Variants in CTNND2 observed in about 807,000 individuals in gnomAD.
The protein encoded by CTNND2 is catenin delta 2.
CTNND2 carries 22 observed loss-of-function variants against 144.4 expected under a neutral mutation model. The ratio of observed to expected loss-of-function variants is 0.15; its 90% CI spans 0.11 to 0.22. The LOEUF is 0.22. Ranked by LOEUF, CTNND2 falls within the 10% of genes least tolerant of loss-of-function variation. CTNND2 has a pLI of 1.00. For synonymous variants in CTNND2, 751 were observed against 695.6 expected, an observed-to-expected ratio of 1.08 and a Z score of -1.25; for missense variants, 1,353 against 1,618.8, an observed-to-expected ratio of 0.84 and a Z score of 2.82.
chr5:11,634,865 T>C (rs1781599232), intron 2 of CTNND2, among the ~76,000 whole-genome samples: 2 of 152,028 alleles, frequency 1.3e-5, no homozygotes, highest in South Asian at 4.2e-4. Flanking sequence ...ATGGTGTGAA[T>C]AAGTCAAGTA....
chr5:11,307,487 G>C (rs1750366544), intron 9 of CTNND2, among the ~76,000 whole-genome samples: 1 of 152,134 alleles, frequency 6.6e-6, no homozygotes, highest in Non-Finnish European at 1.5e-5. Flanking sequence ...CAGGGGCCAA[G>C]GGGCTGAAGA....
intron 9 of CTNND2, among the ~76,000 whole-genome samples, chr5:11,252,277 C>G (rs1743742352): frequency 6.6e-6 from 1 of 152,102 alleles, no homozygotes; most frequent in African/African-American, 2.4e-5. Flanking sequence ...CCAGAGAAAG[C>G]AAACAAACTC....
intron 11 of CTNND2, among the ~76,000 whole-genome samples, chr5:11,184,482 G>A (rs1316721911): frequency 1.3e-5 from 2 of 152,164 alleles, no homozygotes; most frequent in Non-Finnish European, 2.9e-5. Flanking sequence ...CAAATACTAT[G>A]TAGGGCAAGC....
In CTNND2 at chr5:11,681,678, C is replaced by A. The variant is rs150131301; in HGVS notation, c.174+50458G>T. Among the ~76,000 whole-genome samples the A allele has an allele frequency of 2.2e-3, 329 of 152,338 alleles. 2 individuals are homozygous for A. The highest frequency in any genetic ancestry group is 7.6e-3 in the African/African-American group (318 of 41,576). On this transcript the variant is annotated intron_variant, in intron 2 of 21. Coordinates refer to ENST00000304623, the MANE Select transcript of CTNND2 (RefSeq NM_001332.4). ...TATAATGGCACAATAATCTTAATTA[C>A]AGTTATTTATCACAACGTAATTCCT...
chr5:11,503,163 C>A (rs1301567676), intron 3 of CTNND2, among the ~76,000 whole-genome samples: 1 of 152,162 alleles, frequency 6.6e-6, no homozygotes, highest in Non-Finnish European at 1.5e-5. Flanking sequence ...TGCATCTATC[C>A]CCTTCGCAGT....
chr5:11,028,115 T>C (rs1420726971), intron 16 of CTNND2, among the ~76,000 whole-genome samples: 1 of 152,242 alleles, frequency 6.6e-6, no homozygotes, highest in Non-Finnish European at 1.5e-5. Context: ...AGATCTCTTC[T>C]GATCACTGAT....
At chr5:11,205,996 T>C (rs1278931115) in intron 10 of CTNND2, among the ~76,000 whole-genome samples, 1 of 152,230 alleles carries the variant, frequency 6.6e-6, no homozygotes, top group Non-Finnish European at 1.5e-5. Flanking sequence ...TTTTCAGGAC[T>C]GAATGAGATT....
At chr5:11,828,706 T>G (rs1332263756) in intron 1 of CTNND2, among the ~76,000 whole-genome samples, 1 of 152,108 alleles carries the variant, frequency 6.6e-6, no homozygotes, top group Admixed American at 6.5e-5. Context: ...TTACCCAGTC[T>G]CACATATGTC....
At chr5:11,740,082 A>C (rs187289224) in intron 1 of CTNND2, among the ~76,000 whole-genome samples, 4 of 152,370 alleles carry the variant, frequency 2.6e-5, no homozygotes, top group African/African-American at 9.6e-5. Context: ...CATGGATAGG[A>C]AGAATCAGTA....
chr5:11,169,180 A>G (rs975627417), intron 11 of CTNND2, among the ~76,000 whole-genome samples: 2 of 152,022 alleles, frequency 1.3e-5, no homozygotes, highest in African/African-American at 2.4e-5. Flanking sequence ...ACCCACCTTA[A>G]AATCTCCCAG....
chr5:11,672,392 TCC>T (rs1783919651), intron 2 of CTNND2, among the ~76,000 whole-genome samples: 1 of 152,062 alleles, frequency 6.6e-6, no homozygotes, highest in African/African-American at 2.4e-5. Flanking sequence ...AGCCACCCCT[TCC>T]CCCAGGTGAT....
At chr5:11,814,698 C>T (rs1792531316) in intron 1 of CTNND2, among the ~76,000 whole-genome samples, 1 of 152,152 alleles carries the variant, frequency 6.6e-6, no homozygotes, top group Non-Finnish European at 1.5e-5. Context: ...GCTAGCAATC[C>T]CTGGGTTTCA....
chr5:11,813,361 C>T (rs80313578), intron 1 of CTNND2, among the ~76,000 whole-genome samples: 15 of 152,276 alleles, frequency 9.9e-5, no homozygotes, highest in East Asian at 9.7e-4. Flanking sequence ...CACAGTCTTC[C>T]GGAACAAAGT....
At chr5:11,165,547 A>G (rs1759232136) in intron 11 of CTNND2, among the ~76,000 whole-genome samples, 1 of 152,194 alleles carries the variant, frequency 6.6e-6, no homozygotes, top group Admixed American at 6.5e-5. Context: ...ATAATCTGTG[A>G]CAAATTTGTT....
intron 11 of CTNND2, among the ~76,000 whole-genome samples, chr5:11,192,160 AAAG>A (rs1183625431): frequency 6.6e-6 from 1 of 152,204 alleles, no homozygotes; most frequent in Non-Finnish European, 1.5e-5. Flanking sequence ...CCAGTTTCCT[AAAG>A]AAGAGACAAT....
intron 8 of CTNND2, among the ~76,000 whole-genome samples, chr5:11,357,279 A>G (rs1307593114): frequency 6.6e-6 from 1 of 152,178 alleles, no homozygotes; most frequent in Non-Finnish European, 1.5e-5. Flanking sequence ...GAATCAACCT[A>G]TGTGTCCAAC....
intron 1 of CTNND2, among the ~76,000 whole-genome samples, chr5:11,840,176 C>T (rs181388727): frequency 1.7e-3 from 255 of 152,130 alleles, no homozygotes; most frequent in Non-Finnish European, 2.8e-3. Flanking sequence ...CATAGAAAAA[C>T]CCACACACAA....
At chr5:11,573,689 G>A (rs761575667) in intron 2 of CTNND2, among the ~76,000 whole-genome samples, 2 of 152,158 alleles carry the variant, frequency 1.3e-5, no homozygotes, top group Non-Finnish European at 2.9e-5. Flanking sequence ...TTTCAACAAC[G>A]ACAGTGTCAT....
In CTNND2 at chr5:11,385,173, C is replaced by A; in HGVS notation, c.669G>T (p.Pro223=). The A allele has an allele frequency of 5.8e-6, 6 of 1,031,686 alleles. No homozygotes were observed. The South Asian group carries it at 2.7e-4, about 46-fold the overall frequency. The allele number at this position is 1,031,686 out of a possible 1,614,324, so 63.9% of individuals were successfully genotyped here. The change falls in exon 7 of 22, where the codon CCG becomes CCT. Residue 223 remains proline, a synonymous_variant. Coordinates refer to ENST00000304623, the MANE Select transcript of CTNND2 (RefSeq NM_001332.4). The stretch of plus-strand genomic sequence containing the variant: ...GCGCGAACGGCTCCCGCGGCGGCGG[C>A]GGCGGCGGCGGCGCGGGCTCGGGCC... The part of the protein sequence containing the change: ...LAGPEPAPPP[P]PPPREPFAPS...
Sources: gnomAD v4.1 joint callset for allele counts (sites outside exome capture counted in the v4.1 genomes callset) on GRCh38, gnomAD v4.1.1 for gene constraint, MANE v1.5 for transcripts, NCBI Gene and HGNC (gene_info 2026-07-23, HGNC 2026-07-21) for gene names.